MACROD1: variants seen among roughly 807,000 people sequenced by gnomAD.
MACROD1 encodes the protein mono-ADP ribosylhydrolase 1.
A neutral mutation model predicts 41.4 loss-of-function variants in MACROD1; 31 were observed. The observed-to-expected ratio is 0.75, with a 90% CI of 0.56 to 1.01. The LOEUF is 1.01. Among genes scored for constraint, MACROD1 ranks in the 50% least tolerant of loss-of-function variants. MACROD1 has a pLI of 0.00. For missense variants in MACROD1, 473 were observed against 460.0 expected, an observed-to-expected ratio of 1.03 and a Z score of -0.26; for synonymous variants, 252 against 203.4, an observed-to-expected ratio of 1.24 and a Z score of -2.03.
At chr11:64,049,865 C>T (rs1052072971) in intron 3 of MACROD1, among the ~76,000 whole-genome samples, 1 of 152,202 alleles carries the variant, frequency 6.6e-6, no homozygotes, top group Non-Finnish European at 1.5e-5. Flanking sequence ...TCCACCCCAC[C>T]ATCCCCCAGC....
At chr11:64,128,596 G>A (rs1945220490) in intron 3 of MACROD1, among the ~76,000 whole-genome samples, 1 of 151,872 alleles carries the variant, frequency 6.6e-6, no homozygotes, top group African/African-American at 2.4e-5. Flanking sequence ...GCCCCACTCA[G>A]GAAGGCCCTG....
chr11:64,022,925 G>A (rs1244664700), intron 3 of MACROD1, among the ~76,000 whole-genome samples: 1 of 145,166 alleles, frequency 6.9e-6, no homozygotes. Flanking sequence ...ACAGTAGTGC[G>A]ATCTCAGCTC....
At chr11:64,072,275 G>A (rs1944123835) in intron 3 of MACROD1, among the ~76,000 whole-genome samples, 2 of 152,248 alleles carry the variant, frequency 1.3e-5, no homozygotes, top group East Asian at 1.9e-4. Flanking sequence ...GGGTGATGCC[G>A]GCCCTGGAGA....
In MACROD1 at chr11:64,143,743, GACACACACATACACAC is replaced by G. The variant is rs1413639240; in HGVS notation, c.517+7480_517+7495del. ...GGAGGTATTCCCTTCCCCCAACCCC[GACACACACATACACAC>G]ACACACACACACACACACACACACA... On this transcript the variant is annotated intron_variant, in intron 3 of 10. Transcript: ENST00000255681. Among the ~76,000 whole-genome samples the G allele has an allele frequency of 1.8e-3, 132 of 71,508 alleles. 4 individuals carry two copies. The highest frequency in any genetic ancestry group is 5.5e-3 in the East Asian group (13 of 2,366). 46.9% of individuals were successfully genotyped at this position (71,508 alleles called of 152,430 possible). A position where few individuals can be genotyped will look rare whatever the true frequency, so the allele number is the denominator to read the frequency against.
At chr11:64,013,659 AC>A (rs1943044338) in intron 4 of MACROD1, among the ~76,000 whole-genome samples, 1 of 151,426 alleles carries the variant, frequency 6.6e-6, no homozygotes, top group African/African-American at 2.4e-5. Flanking sequence ...AGAAAGGCCC[AC>A]CCCCTTTGTG....
At chr11:64,116,718 C>A in intron 3 of MACROD1, 2 of 1,613,834 alleles carry the variant, frequency 1.2e-6, no homozygotes, top group Non-Finnish European at 8.5e-7. Context: ...GGCCCGCATC[C>A]CGCTGCTGGA....
Position 64,036,474 on chromosome 11 carries a change from A to C in MACROD1, c.518-21193T>G, listed in dbSNP as rs1943382777. 6.6e-6 allele frequency among the ~76,000 whole-genome samples: 1 copy of C among 151,594 alleles called. No homozygotes were observed. Among genetic ancestry groups the C allele is most frequent in the Non-Finnish European group, 1.5e-5 (1 of 67,796 alleles). On this transcript the variant is annotated intron_variant, in intron 3 of 10. Coordinates refer to ENST00000255681, the MANE Select transcript of MACROD1 (RefSeq NM_014067.4). The surrounding 1 kb of genome is among the most constrained non-coding windows in gnomAD (Gnocchi z 5.6). ...GGGGCTCAGCTGGAGCTCTAGTCCA[A>C]GCCCTCGCTGCACCCCCCAGGGAGG...
At position 64,124,653 on chromosome 11, in the gene MACROD1, C is replaced by T. The variant is rs376524341; in HGVS notation, c.517+26586G>A. 4.2e-3 allele frequency among the ~76,000 whole-genome samples: 632 copies of T among 152,126 alleles called. 4 individuals are homozygous for T. Among genetic ancestry groups the T allele is most frequent in the South Asian group, 0.023 (112 of 4,820 alleles). On this transcript the variant is annotated intron_variant, in intron 3 of 10. Transcript: ENST00000255681. ...ACAGATTTGCGGGTGTGCCTGGAGA[C>T]CCCCAAAGCCACAGAGCAAAGCCTG... is the stretch of plus-strand genomic sequence containing the variant.
rs767047627 is a variant in MACROD1, at chr11:64,096,659, C to T, written c.517+54580G>A. Among the ~76,000 whole-genome samples the T allele has an allele frequency of 3.0e-4, 45 of 152,266 alleles. No individual in the cohort carries two copies. Among genetic ancestry groups the T allele is most frequent in the Non-Finnish European group, 5.6e-4 (38 of 68,016 alleles). ...CTCGAACTCCTGACCTCAAGTTATC[C>T]GCCTGCCTCAGCCTCCCAAAGTGCT... On this transcript the variant is annotated intron_variant, in intron 3 of 10. Transcript: ENST00000255681. The surrounding 1 kb of genome is among the most constrained non-coding windows in gnomAD (Gnocchi z 4.6).
chr11:64,143,167 G>T (rs1007638156), intron 3 of MACROD1, among the ~76,000 whole-genome samples: 1 of 149,226 alleles, frequency 6.7e-6, no homozygotes, highest in Non-Finnish European at 1.5e-5. Flanking sequence ...AAGAGAGGAA[G>T]GAAAGAAAGG....
intron 1 of MACROD1, 112 bp from the exon 2 acceptor site, chr11:64,152,505 C>T (rs1945597303): frequency 3.7e-6 from 3 of 820,228 alleles, no homozygotes; most frequent in Admixed American, 3.7e-5. Flanking sequence ...CTCTTCCTGT[C>T]CCTCCTTCTC....
Position 64,069,943 on chromosome 11 carries a change from C to G in MACROD1, c.518-54662G>C, listed in dbSNP as rs574858242. 3.3e-5 allele frequency among the ~76,000 whole-genome samples: 5 copies of G among 152,162 alleles called. No individual in the cohort carries two copies. The South Asian group carries it at 1.0e-3, about 32-fold the overall frequency. ...GGCACATGTCACCCTGAGCCCGACT[C>G]GCGCCCAGTGGGATCAATGTCCCTC... On this transcript the variant is annotated intron_variant, in intron 3 of 10. Coordinates refer to ENST00000255681, the MANE Select transcript of MACROD1 (RefSeq NM_014067.4).
chr11:64,127,073 G>C (rs1207281823), intron 3 of MACROD1: 4 of 152,174 alleles, frequency 2.6e-5, no homozygotes, highest in Admixed American at 2.6e-4. Flanking sequence ...CCAGAAAACC[G>C]AGACACGCAA....
At chr11:64,155,826 C>T (rs1474631447) in intron 1 of MACROD1, among the ~76,000 whole-genome samples, 3 of 151,570 alleles carry the variant, frequency 2.0e-5, no homozygotes, top group Non-Finnish European at 4.4e-5. Flanking sequence ...ATCAGCTGAG[C>T]GGCCGGGCAT....
intron 3 of MACROD1, among the ~76,000 whole-genome samples, chr11:64,149,657 T>G (rs776919945): frequency 6.6e-6 from 1 of 152,336 alleles, no homozygotes; most frequent in Non-Finnish European, 1.5e-5. Context: ...TCATTTTCCC[T>G]CCGGCCACTT....
Position 64,118,266 on chromosome 11 carries a change from C to T in MACROD1, c.517+32973G>A, listed in dbSNP as rs771799567. The stretch of plus-strand genomic sequence containing the variant: ...GCGGGGCTACCGGGACGGCGGCATC[C>T]CCGACATAGACTACTCCTACACATG... On this transcript the variant is annotated intron_variant, in intron 3 of 10. Transcript: ENST00000255681. 32 of 1,591,370 alleles carry T rather than the reference C, an allele frequency of 2.0e-5. 1 individual carries two copies. The South Asian group carries it at 3.5e-4, about 17-fold the overall frequency.
At chr11:64,062,866 G>A (rs895304991) in intron 3 of MACROD1, among the ~76,000 whole-genome samples, 2 of 152,146 alleles carry the variant, frequency 1.3e-5, no homozygotes, top group African/African-American at 2.4e-5. Flanking sequence ...CCCCGGCCCC[G>A]CCTCCTAGGC....
intron 4 of MACROD1, among the ~76,000 whole-genome samples, chr11:64,014,952 A>C (rs1463489633): frequency 6.6e-6 from 1 of 152,238 alleles, no homozygotes; most frequent in Non-Finnish European, 1.5e-5. Context: ...GAGCTGCCCA[A>C]GGTCACAGGG....
intron 3 of MACROD1, among the ~76,000 whole-genome samples, chr11:64,059,400 G>T (rs1049607822): frequency 6.6e-6 from 1 of 152,194 alleles, no homozygotes; most frequent in Non-Finnish European, 1.5e-5. Flanking sequence ...GCTCCCTGTA[G>T]TGGGGGTGGG....
Sources: gnomAD v4.1 joint callset for allele counts (sites outside exome capture counted in the v4.1 genomes callset) on GRCh38, gnomAD v4.1.1 for gene constraint, Gnocchi (gnomAD v3.1) non-coding constraint, MANE v1.5 for transcripts, NCBI Gene and HGNC (gene_info 2026-07-23, HGNC 2026-07-21) for gene names.